Variants in SHANK2 observed in about 807,000 individuals in gnomAD.
SHANK2 encodes the protein SH3 and multiple ankyrin repeat domains 2.
A neutral mutation model predicts 133.7 loss-of-function variants in SHANK2; 43 were observed. The ratio of observed to expected loss-of-function variants is 0.32; its 90% CI spans 0.25 to 0.41. SHANK2 has a LOEUF of 0.41. SHANK2 is among the 10% of genes least tolerant of loss of function. SHANK2 has a pLI of 1.00. For missense variants in SHANK2, 1,994 were observed against 2,235.8 expected (o/e 0.89, Z 2.18); for synonymous variants, 1,017 against 952.8 (o/e 1.07, Z -1.24).
At chr11:71,227,318 G>T (rs2919729) in intron 1 of SHANK2, among the ~76,000 whole-genome samples, 13,568 of 151,992 alleles carry the variant, frequency 0.089, 1,627 homozygotes, top group African/African-American at 0.27. Flanking sequence ...ATTAAATGAG[G>T]TCTATAAAAA....
intron 9 of SHANK2, among the ~76,000 whole-genome samples, chr11:71,068,307 T>C (rs1305628149): frequency 1.3e-5 from 2 of 152,204 alleles, no homozygotes; most frequent in Non-Finnish European, 2.9e-5. Context: ...TGCCCAGCAA[T>C]GCTTGGCACA....
At chr11:71,128,015 C>T (rs1215292860) in intron 3 of SHANK2, among the ~76,000 whole-genome samples, 6 of 152,178 alleles carry the variant, frequency 3.9e-5, no homozygotes, top group Non-Finnish European at 7.4e-5. Flanking sequence ...CGAGGTCTCA[C>T]GATGTCATCT....
intron 7 of SHANK2, among the ~76,000 whole-genome samples, chr11:71,093,815 G>C (rs1951558623): frequency 6.6e-6 from 1 of 152,222 alleles, no homozygotes; most frequent in African/African-American, 2.4e-5. Context: ...GAAATGAAGT[G>C]AAAGTCCTGA....
At chr11:70,523,250 G>A (rs1053213280) in intron 17 of SHANK2, among the ~76,000 whole-genome samples, 1 of 152,232 alleles carries the variant, frequency 6.6e-6, no homozygotes, top group Non-Finnish European at 1.5e-5. Flanking sequence ...ACCTCAATGC[G>A]ACTGGTTACA....
At position 70,595,949 on chromosome 11, in the gene SHANK2, C is replaced by G. The variant is rs148853146; in HGVS notation, c.2061+63879G>C. On this transcript the variant is annotated intron_variant, in intron 17 of 25. Coordinates refer to ENST00000601538, the MANE Select transcript of SHANK2 (RefSeq NM_012309.5). Reference sequence around the variant, plus strand: ...AGAGAAAACAGAGCGGGGTTTCAGTCGCAAACACAGAGGAGAACATCGTGA... The same window carrying G: ...AGAGAAAACAGAGCGGGGTTTCAGTGGCAAACACAGAGGAGAACATCGTGA... Among the ~76,000 whole-genome samples, 7 of 152,300 alleles carry G rather than the reference C, an allele frequency of 4.6e-5. No individual in the cohort carries two copies. The East Asian group carries it at 1.4e-3, about 29-fold the overall frequency.
intron 14 of SHANK2, among the ~76,000 whole-genome samples, chr11:70,775,829 C>T (rs1465221503): frequency 1.3e-5 from 2 of 152,270 alleles, no homozygotes; most frequent in East Asian, 3.8e-4. Context: ...GTTACCAGCA[C>T]GCGGCCCCCA....
intron 14 of SHANK2, among the ~76,000 whole-genome samples, chr11:70,711,952 G>A (rs1206145458): frequency 6.6e-6 from 1 of 152,180 alleles, no homozygotes; most frequent in African/African-American, 2.4e-5. Context: ...TCCTGCAGCT[G>A]CCGGCACAGA....
At chr11:70,757,761 A>T (rs528524917) in intron 14 of SHANK2, among the ~76,000 whole-genome samples, 12 of 152,110 alleles carry the variant, frequency 7.9e-5, no homozygotes, top group Non-Finnish European at 1.6e-4. Context: ...CTCTATATCG[A>T]GTCCTGCGAG....
At chr11:70,560,323 A>T (rs2059890948) in intron 17 of SHANK2, among the ~76,000 whole-genome samples, 1 of 152,300 alleles carries the variant, frequency 6.6e-6, no homozygotes, top group African/African-American at 2.4e-5. Flanking sequence ...TAAATAGAAC[A>T]AAAGATGTGC....
intron 14 of SHANK2, among the ~76,000 whole-genome samples, chr11:70,771,222 C>T (rs1164639655): frequency 6.6e-6 from 1 of 152,158 alleles, no homozygotes; most frequent in South Asian, 2.1e-4. Flanking sequence ...CCACGGCCTT[C>T]GGCCCAGAGA....
intron 2 of SHANK2, among the ~76,000 whole-genome samples, chr11:71,196,691 C>G (rs1002137153): frequency 1.3e-5 from 2 of 151,930 alleles, no homozygotes; most frequent in Non-Finnish European, 2.9e-5. Flanking sequence ...TGCCCTCCCC[C>G]GCATGGCTCA....
chr11:71,252,640 G>T (rs1948204994), upstream of SHANK2: 1 of 151,190 alleles, frequency 6.6e-6, no homozygotes, highest in Non-Finnish European at 1.5e-5. The surrounding 1 kb of genome is among the most constrained non-coding windows in gnomAD (Gnocchi z 6.3). Flanking sequence ...CCCTCTCGCC[G>T]CCGAAAGGAC....
Position 70,574,347 on chromosome 11 carries a change from C to A in SHANK2, c.2062-71416G>T, listed in dbSNP as rs556582455. Among the ~76,000 whole-genome samples, 7 of 152,370 alleles carry A rather than the reference C, an allele frequency of 4.6e-5. No homozygotes were observed. The South Asian group carries it at 1.4e-3, about 32-fold the overall frequency. ...AGGGCACTAAATTCCCCACCTTCCC[C>A]ACTGGGAGAGGCAACATCAGGGTAG... is the stretch of plus-strand genomic sequence containing the variant. On this transcript the variant is annotated intron_variant, in intron 17 of 25. Transcript: ENST00000601538.
chr11:70,785,394 C>G (rs1423340923), intron 14 of SHANK2, among the ~76,000 whole-genome samples: 1 of 152,204 alleles, frequency 6.6e-6, no homozygotes, highest in Non-Finnish European at 1.5e-5. Context: ...CCCCCCAAAG[C>G]TCTCCTGTCC....
intron 8 of SHANK2, among the ~76,000 whole-genome samples, chr11:71,090,852 G>T (rs371356304): frequency 6.6e-6 from 1 of 152,078 alleles, no homozygotes; most frequent in African/African-American, 2.4e-5. Flanking sequence ...CGGGAATCTG[G>T]AGTCTTTTTC....
At position 70,794,278 on chromosome 11, in the gene SHANK2, GA is replaced by G. The variant is rs35217416; in HGVS notation, c.1777+4164del. On this transcript the variant is annotated intron_variant, in intron 14 of 25. Transcript: ENST00000601538. ...TCTGGGCAACAGAGACTCCGTCTCA[GA>G]AAAAAAAAAAAAAACAACATATAAA... is the stretch of plus-strand genomic sequence containing the variant. Among the ~76,000 whole-genome samples the G allele has an allele frequency of 2.0e-3, 269 of 134,898 alleles. 3 individuals carry two copies. The highest frequency in any genetic ancestry group is 6.5e-3 in the African/African-American group (225 of 34,752). The allele number at this position is 134,898 out of a possible 152,430, so 88.5% of individuals were successfully genotyped here. A position where few individuals can be genotyped will look rare whatever the true frequency, so the allele number is the denominator to read the frequency against.
At chr11:70,855,364 T>G (rs1555066619) in intron 11 of SHANK2, among the ~76,000 whole-genome samples, 2 of 152,206 alleles carry the variant, frequency 1.3e-5, no homozygotes, top group African/African-American at 4.8e-5. Context: ...CCCATCAGTC[T>G]GGCCCAACTC....
intron 17 of SHANK2, among the ~76,000 whole-genome samples, chr11:70,544,952 G>C (rs1375786081): frequency 6.6e-6 from 1 of 152,212 alleles, no homozygotes; most frequent in Admixed American, 6.5e-5. Flanking sequence ...CTCTGGGGAT[G>C]GGCCAGCTGC....
At chr11:70,689,460 G>A (rs1945228151) in intron 15 of SHANK2, among the ~76,000 whole-genome samples, 1 of 152,164 alleles carries the variant, frequency 6.6e-6, no homozygotes, top group Non-Finnish European at 1.5e-5. Flanking sequence ...AGCTCAATGT[G>A]CAAAGGAAGC....
Sources: gnomAD v4.1 joint callset for allele counts (sites outside exome capture counted in the v4.1 genomes callset) on GRCh38, gnomAD v4.1.1 for gene constraint, Gnocchi (gnomAD v3.1) non-coding constraint, MANE v1.5 for transcripts, NCBI Gene and HGNC (gene_info 2026-07-23, HGNC 2026-07-21) for gene names.